The following PEAK1 variants were observed in gnomAD, a reference collection of about 807,000 sequenced individuals.
PEAK1 encodes inactive tyrosine-protein kinase PEAK1.
In PEAK1, 54 loss-of-function variants were observed where a neutral mutation model predicts 124.7. The observed-to-expected ratio is 0.43, with a 90% CI of 0.35 to 0.54. PEAK1 has a LOEUF of 0.54. PEAK1 is among the 20% of genes least tolerant of loss of function. PEAK1 has a pLI of 0.01. For missense variants in PEAK1, 2,046 were observed against 2,134.5 expected (o/e 0.96, Z 0.82); for synonymous variants, 719 against 760.0 (o/e 0.95, Z 0.89).
intron 2 of PEAK1, chr15:77,351,989 G>C (rs1167082823): frequency 1.8e-5 from 18 of 973,828 alleles, no homozygotes; most frequent in Non-Finnish European, 2.2e-5. Context: ...GGGAGGCCAA[G>C]GCGGGAGTAT....
rs1165783204 is a variant in PEAK1, at chr15:77,328,469, T to C, written c.-603+36694A>G. ...TAAATTACCTTAAACTGTAATAAAA[T>C]TACCAAAGGTTCTATTCGATAAAGA... On this transcript the variant is annotated intron_variant, in intron 2 of 9. Coordinates refer to ENST00000682557, the MANE Select transcript of PEAK1 (RefSeq NM_001385026.1). 2.0e-5 allele frequency among the ~76,000 whole-genome samples: 3 copies of C among 152,140 alleles called. No individual in the cohort carries two copies. The East Asian group carries it at 5.8e-4, about 29-fold the overall frequency.
chr15:77,336,168 T>TA (rs753264398), intron 2 of PEAK1: 351 of 985,434 alleles, frequency 3.6e-4, no homozygotes, highest in Non-Finnish European at 4.1e-4. Context: ...GACCTGCACC[T>TA]ACTTGTTCTA....
At chr15:77,371,449 T>C (rs1275416574) in intron 1 of PEAK1, 1 of 983,664 alleles carries the variant, frequency 1.0e-6, no homozygotes, top group Non-Finnish European at 1.2e-6. Flanking sequence ...TTGAAGCAAA[T>C]AATCTATTCA....
chr15:77,146,333 C>T (rs2054173436), intron 8 of PEAK1, among the ~76,000 whole-genome samples: 1 of 152,146 alleles, frequency 6.6e-6, no homozygotes, highest in Non-Finnish European at 1.5e-5. Context: ...AACTTCATGC[C>T]AAACAATAAA....
chr15:77,119,938 C>G (rs970083266), intron 9 of PEAK1, among the ~76,000 whole-genome samples: 5 of 152,204 alleles, frequency 3.3e-5, no homozygotes, highest in Admixed American at 2.6e-4. Flanking sequence ...TCTAACACTA[C>G]TGAACCTTTC....
intron 7 of PEAK1, among the ~76,000 whole-genome samples, chr15:77,173,103 A>G (rs2056620456): frequency 6.6e-6 from 1 of 152,226 alleles, no homozygotes; most frequent in African/African-American, 2.4e-5. Context: ...CAACAACAAC[A>G]AACTCTCCTA....
intron 6 of PEAK1, among the ~76,000 whole-genome samples, chr15:77,246,532 C>T (rs2060596552): frequency 6.6e-6 from 1 of 151,770 alleles, no homozygotes; most frequent in Admixed American, 6.6e-5. Flanking sequence ...AAAACAACTC[C>T]AATATTGACT....
In PEAK1 at chr15:77,133,452, C is replaced by T; in HGVS notation, c.3630G>A (p.Leu1210=). The T allele has an allele frequency of 6.2e-7, 1 of 1,614,218 alleles. No homozygotes were observed. Among genetic ancestry groups the T allele is most frequent in the South Asian group, 1.1e-5 (1 of 91,082 alleles). ...GSSISYELKG[L]DIESYDSLER... is the part of the protein sequence containing the mutation. ...CCAAGGAGTCATAAGACTCAATGTC[C>T]AGTCCTTTGAGTTCATAGCTGATGG... Residue 1210 remains leucine, a synonymous_variant, in exon 9 of 10, where the codon CTG becomes CTA. Coordinates refer to ENST00000682557, the MANE Select transcript of PEAK1 (RefSeq NM_001385026.1). The surrounding 1 kb of genome is among the most constrained non-coding windows in gnomAD (Gnocchi z 4.2).
At chr15:77,352,320 C>T in intron 2 of PEAK1, 2 of 985,338 alleles carry the variant, frequency 2.0e-6, no homozygotes, top group Non-Finnish European at 2.4e-6. Context: ...AATCGAAGTG[C>T]CTTACTCGAT....
intron 5 of PEAK1, among the ~76,000 whole-genome samples, chr15:77,258,589 T>C (rs1054432945): frequency 6.6e-6 from 1 of 152,240 alleles, no homozygotes; most frequent in Non-Finnish European, 1.5e-5. Flanking sequence ...ATCCTGAGAC[T>C]TTGCTGAAGT....
intron 2 of PEAK1, chr15:77,331,092 A>G (rs1220115893): frequency 3.0e-6 from 2 of 673,730 alleles, no homozygotes; most frequent in East Asian, 1.3e-4. Flanking sequence ...TATGTAGTAC[A>G]TTGAATCAAT....
intron 4 of PEAK1, among the ~76,000 whole-genome samples, chr15:77,284,425 G>T (rs2062819314): frequency 6.6e-6 from 1 of 152,166 alleles, no homozygotes; most frequent in African/African-American, 2.4e-5. Flanking sequence ...CAAAATGTAT[G>T]AAAACAGGTT....
Position 77,396,833 on chromosome 15 carries a change from A to C in PEAK1, c.-666+23173T>G, listed in dbSNP as rs997996733. ...AAGCAAGAGAGAGAGAGAAAAGTAG[A>C]GTTAAAGAGAGATCTAGATCCCAAG... is the stretch of plus-strand genomic sequence containing the variant. On this transcript the variant is annotated intron_variant, in intron 1 of 9. Coordinates refer to ENST00000682557, the MANE Select transcript of PEAK1 (RefSeq NM_001385026.1). Among the ~76,000 whole-genome samples, 8 of 152,210 alleles carry C rather than the reference A, an allele frequency of 5.3e-5. No homozygotes were observed. The South Asian group carries it at 1.0e-3, about 20-fold the overall frequency.
At chr15:77,346,466 G>GA in intron 2 of PEAK1, 3 of 985,380 alleles carry the variant, frequency 3.0e-6, no homozygotes, top group Non-Finnish European at 3.6e-6. Context: ...AAGCAGGACT[G>GA]AAGCAGCTGT....
chr15:77,264,560 C>T (rs2061614586), intron 5 of PEAK1, among the ~76,000 whole-genome samples: 2 of 152,220 alleles, frequency 1.3e-5, no homozygotes, highest in South Asian at 2.1e-4. Context: ...ACGTGAAGGA[C>T]CTCTTCAAGG....
intron 5 of PEAK1, among the ~76,000 whole-genome samples, chr15:77,266,412 A>C (rs1413350438): frequency 1.3e-5 from 2 of 152,150 alleles, no homozygotes; most frequent in Non-Finnish European, 1.5e-5. Flanking sequence ...CCTCCTGCCA[A>C]GTGTCACTGG....
chr15:77,393,809 C>CCTG (rs1475712427), intron 1 of PEAK1, among the ~76,000 whole-genome samples: 21 of 152,304 alleles, frequency 1.4e-4, no homozygotes, highest in Middle Eastern at 3.4e-3. Flanking sequence ...GAATACAGCA[C>CCTG]CAAGGGGGAT....
intron 1 of PEAK1, among the ~76,000 whole-genome samples, chr15:77,398,455 T>C (rs1195390850): frequency 3.3e-5 from 5 of 152,226 alleles, no homozygotes; most frequent in African/African-American, 1.2e-4. Flanking sequence ...CAAGGATGGC[T>C]TGACATATGC....
intron 1 of PEAK1, chr15:77,403,943 T>A: frequency 3.1e-6 from 3 of 972,070 alleles, no homozygotes; most frequent in African/African-American, 1.8e-5. Flanking sequence ...CATTTACAAG[T>A]TTGTTGCATG....
Sources: allele counts gnomAD v4.1 joint callset (sites outside exome capture counted in the v4.1 genomes callset), GRCh38; gene constraint gnomAD v4.1.1; non-coding constraint Gnocchi (gnomAD v3.1); transcripts MANE v1.5; gene names NCBI Gene and HGNC (gene_info 2026-07-23, HGNC 2026-07-21).